Variants in CTR9 observed in about 807,000 individuals in gnomAD.
The protein encoded by CTR9 is CTR9 component of Paf1/RNA polymerase II complex.
Under a neutral mutation model 152.1 loss-of-function variants are expected in CTR9, and 41 were observed. That is an observed-to-expected ratio of 0.27 (90% CI 0.21 to 0.35). CTR9 has a LOEUF of 0.35. Ranked by LOEUF, CTR9 falls within the 10% of genes least tolerant of loss-of-function variation. The pLI is 1.00. For synonymous variants in CTR9, 476 were observed against 496.2 expected (o/e 0.96, Z 0.54); for missense variants, 917 against 1,424.4 (o/e 0.64, Z 5.73).
Position 10,767,797 on chromosome 11 carries a change from A to G in CTR9, c.1687-9A>G. ...GCAGATTTTCCTTCTTCATGTATGTATGTTTCAGGATCATCCAGATGCTTG... is the reference window on the plus strand; with the variant it reads ...GCAGATTTTCCTTCTTCATGTATGTGTGTTTCAGGATCATCCAGATGCTTG... On this transcript the variant is annotated splice_polypyrimidine_tract_variant and intron_variant, in intron 13 of 24. Coordinates refer to ENST00000361367, the MANE Select transcript of CTR9 (RefSeq NM_014633.5). This position sits in a 1 kb window ranked among gnomAD's most constrained non-coding sequence, Gnocchi z 4.0. The G allele has an allele frequency of 6.2e-7, 1 of 1,613,588 alleles. No individual in the cohort carries two copies. Among genetic ancestry groups the G allele is most frequent in the Non-Finnish European group, 8.5e-7 (1 of 1,179,682 alleles).
At chr11:10,757,200 G>A (rs950994662) in intron 5 of CTR9, among the ~76,000 whole-genome samples, 15 of 152,074 alleles carry the variant, frequency 9.9e-5, no homozygotes, top group Admixed American at 3.3e-4. Flanking sequence ...CTGGAGGATC[G>A]CTTGAGTCTG....
At position 10,771,608 on chromosome 11, in the gene CTR9, A is replaced by G. The variant is rs762621994; in HGVS notation, c.2436A>G (p.Thr812=). The G allele has an allele frequency of 7.4e-6, 12 of 1,610,880 alleles. No individual in the cohort carries two copies. In the Admixed American group the frequency reaches 1.2e-4, roughly 16 times the overall value. ...KMRFDLALAA[T]EARQCSDLLS... ...GATTTGATTTGGCCCTTGCTGCTAC[A>G]GAAGCCAGGTAATGTTACTATTTAT... The change falls in exon 19 of 25, where the codon ACA becomes ACG. Residue 812 remains threonine (T), a synonymous_variant. Transcript: ENST00000361367.
intron 3 of CTR9, among the ~76,000 whole-genome samples, 198 bp from the exon 4 acceptor site, chr11:10,755,480 G>T (rs757505577): frequency 1.1e-4 from 16 of 152,188 alleles, no homozygotes; most frequent in Non-Finnish European, 1.9e-4. Flanking sequence ...TTTGGTTGTT[G>T]TTATTGGCAC....
At chr11:10,773,697 G>A (rs901991594) in intron 21 of CTR9, among the ~76,000 whole-genome samples, 1 of 151,930 alleles carries the variant, frequency 6.6e-6, no homozygotes, top group African/African-American at 2.4e-5. Context: ...AGACCAGTTT[G>A]GCCAACATGG....
intron 2 of CTR9, among the ~76,000 whole-genome samples, chr11:10,754,230 C>T (rs567583273): frequency 2.0e-5 from 3 of 152,230 alleles, no homozygotes; most frequent in African/African-American, 2.4e-5. Flanking sequence ...TAAACAGGCC[C>T]AAATCACAGA....
chr11:10,775,379 C>G, intron 23 of CTR9, 76 bp downstream of exon 23: 1 of 1,432,912 alleles, frequency 7.0e-7, no homozygotes, highest in East Asian at 2.3e-5. Flanking sequence ...ACATTCTTTC[C>G]TTGCAGCTTT....
chr11:10,769,834 G>T (rs1267129275), intron 16 of CTR9, among the ~76,000 whole-genome samples: 15 of 152,180 alleles, frequency 9.9e-5, no homozygotes. Flanking sequence ...TAAGAAAGGT[G>T]TAGATGGTAA....
intron 22 of CTR9, 45 bp downstream of exon 22, chr11:10,774,214 T>G: frequency 6.4e-7 from 1 of 1,551,602 alleles, no homozygotes; most frequent in Non-Finnish European, 8.7e-7. Flanking sequence ...ATAAAAGTGG[T>G]GAAAGACCTT....
In CTR9 at chr11:10,764,113, G is replaced by A. The variant is rs1161643831; in HGVS notation, c.1196G>A (p.Gly399Asp). ...GCTTAACAATCTCTTTTATCCCAGG[G>A]CCATTTGAAGAAGGTCACAGAACAG... is the stretch of plus-strand genomic sequence containing the variant. ...EDQEKRDIAK[G>D]HLKKVTEQYP... is the part of the protein sequence containing the mutation. The change falls in exon 10 of 25, where the codon GGC becomes GAC. Residue 399 changes from glycine (G) to aspartate (D), a missense_variant and splice_region_variant. By Grantham distance (94) the Gly-to-Asp change is moderately conservative. Transcript: ENST00000361367. The A allele has an allele frequency of 6.8e-6, 11 of 1,613,826 alleles. No homozygotes were observed. The highest frequency in any genetic ancestry group is 9.3e-6 in the Non-Finnish European group (11 of 1,179,850).
chr11:10,770,277 C>G lies in CTR9; in HGVS notation c.2177C>G (p.Ala726Gly). 6.2e-7 allele frequency: 1 copy of G among 1,614,028 alleles called. No homozygotes were observed. Among genetic ancestry groups the G allele is most frequent in the East Asian group, 2.2e-5 (1 of 44,866 alleles). Residue 726 changes from alanine to glycine, a missense_variant, in exon 17 of 25, where the codon GCC (alanine) becomes GGC (glycine). This residue lies in a region of CTR9 where 106 missense variants were observed against 157.8 expected (regional missense o/e 0.67). Coordinates refer to ENST00000361367, the MANE Select transcript of CTR9 (RefSeq NM_014633.5). ...NTEVVLYLAR[A>G]LFKCGKLQEC... ...GAAGTTGTACTCTATTTGGCCCGGG[C>G]CCTCTTCAAGTGTGGCAAGTTACAG...
chr11:10,774,228 C>T, intron 22 of CTR9, 59 bp downstream of exon 22: 2 of 1,521,610 alleles, frequency 1.3e-6, no homozygotes, highest in East Asian at 2.3e-5. Context: ...AGACCTTTTA[C>T]CTTCTGAATC....
rs1349916172 is a variant in CTR9 at position 10,764,699 on chromosome 11, A to G, written c.1565A>G (p.Asn522Ser). 6.2e-7 allele frequency: 1 copy of G among 1,608,422 alleles called. No individual in the cohort carries two copies. The highest frequency in any genetic ancestry group is 1.1e-5 in the South Asian group (1 of 90,858). ...CATGAAGCAGAAAAACTGTATAAAA[A>G]CATCTTACGCGAACATCCTAATTAT... ...EFHEAEKLYKNILREHPNYVD... is the reference protein window; with the variant it reads ...EFHEAEKLYKSILREHPNYVD... Residue 522 changes from asparagine (N) to serine (S), a missense_variant, in exon 12 of 25, where the codon AAC becomes AGC. Asn to Ser is a conservative substitution (Grantham distance 46). Transcript: ENST00000361367.
chr11:10,772,721 T>TAA, intron 20 of CTR9, 66 bp downstream of exon 20: 8 of 1,304,220 alleles, frequency 6.1e-6, no homozygotes, highest in South Asian at 1.7e-5. Context: ...TTTGTATGTT[T>TAA]AAAAAAAAAA....
At position 10,755,015 on chromosome 11, in the gene CTR9, C is replaced by G; in HGVS notation, c.202C>G (p.Arg68Gly). 6.2e-7 allele frequency: 1 copy of G among 1,613,904 alleles called. No homozygotes were observed. The highest frequency in any genetic ancestry group is 8.5e-7 in the Non-Finnish European group (1 of 1,179,930). ...EEFVKLLEAA[R>G]IDGNLDYRDH... is the part of the protein sequence containing the mutation. ...GTTTGTAAAATTGTTGGAAGCAGCA[C>G]GTATAGATGGCAATTTGGACTATAG... Residue 68 changes from arginine (R) to glycine (G), a missense_variant, in exon 3 of 25, where the codon CGT becomes GGT. Around this residue, in one of 9 missense-constraint regions of CTR9, gnomAD observed 67 missense variants for 106.9 expected, o/e 0.63. Transcript: ENST00000361367.
chr11:10,762,582 A>G (rs967899419), intron 7 of CTR9, among the ~76,000 whole-genome samples: 1 of 152,216 alleles, frequency 6.6e-6, no homozygotes, highest in African/African-American at 2.4e-5. Flanking sequence ...CATTTTTGTA[A>G]TACCAGAATT....
chr11:10,776,072 T>C (rs1863229513), intron 24 of CTR9, among the ~76,000 whole-genome samples: 1 of 152,036 alleles, frequency 6.6e-6, no homozygotes, highest in African/African-American at 2.4e-5. Context: ...CTTTTTATTA[T>C]TTATTTATTT....
At chr11:10,776,900 G>T (rs1389733837) in intron 24 of CTR9, among the ~76,000 whole-genome samples, 1 of 141,772 alleles carries the variant, frequency 7.1e-6, no homozygotes, top group East Asian at 2.2e-4. Flanking sequence ...TTGAAACGAG[G>T]AGGCAGAGGT....
Position 10,751,298 on chromosome 11 carries a change from G to A in CTR9, c.-115G>A. On this transcript the variant is annotated 5_prime_UTR_variant, in exon 1 of 25. Transcript: ENST00000361367. Reference sequence around the variant, plus strand: ...AAGCCAGAGCTCCAGCGGCGCCGCGGGGCGGCAGTCAAGACCAGAGCCGGA... The same window carrying A: ...AAGCCAGAGCTCCAGCGGCGCCGCGAGGCGGCAGTCAAGACCAGAGCCGGA... The A allele has an allele frequency of 9.1e-7, 1 of 1,101,894 alleles. No homozygotes were observed. Among genetic ancestry groups the A allele is most frequent in the Non-Finnish European group, 1.4e-6 (1 of 736,830 alleles). 68.3% of individuals were successfully genotyped at this position (1,101,894 alleles called of 1,614,324 possible). A position where few individuals can be genotyped will look rare whatever the true frequency, so the allele number is the denominator to read the frequency against.
At chr11:10,755,592 C>T (rs1862872299) in intron 3 of CTR9, 86 bp from the exon 4 acceptor site, 1 of 782,048 alleles carries the variant, frequency 1.3e-6, no homozygotes, top group Non-Finnish European at 2.1e-6. Context: ...CACTGTGCTC[C>T]ACCTCCTTCC....
Sources: allele counts gnomAD v4.1 joint callset (sites outside exome capture counted in the v4.1 genomes callset), GRCh38; gene constraint gnomAD v4.1.1; regional missense constraint gnomAD v4.1.1; non-coding constraint Gnocchi (gnomAD v3.1); transcripts MANE v1.5; gene names NCBI Gene and HGNC (gene_info 2026-07-23, HGNC 2026-07-21).